Variants in CNTNAP1 observed in about 807,000 individuals in gnomAD.
The protein encoded by CNTNAP1 is contactin associated protein 1.
Under a neutral mutation model 161.5 loss-of-function variants are expected in CNTNAP1, and 80 were observed. That is an observed-to-expected ratio of 0.50 (90% confidence interval 0.41 to 0.60). CNTNAP1 has a LOEUF of 0.60. Among genes scored for constraint, CNTNAP1 ranks in the 20% least tolerant of loss-of-function variants. CNTNAP1 has a pLI of 0.00. For missense variants in CNTNAP1, 1,464 were observed against 1,854.8 expected, an observed-to-expected ratio of 0.79 and a Z score of 3.87; for synonymous variants, 695 against 733.1, an observed-to-expected ratio of 0.95 and a Z score of 0.84.
At chr17:42,698,163 A>C (rs575092892) in intron 23 of CNTNAP1, among the ~76,000 whole-genome samples, 2 of 151,948 alleles carry the variant, frequency 1.3e-5, no homozygotes, top group African/African-American at 4.8e-5. Flanking sequence ...GCTGAAGGTG[A>C]CATATAACTG....
intron 18 of CNTNAP1, among the ~76,000 whole-genome samples, chr17:42,695,016 C>T (rs2053134953): frequency 6.6e-6 from 1 of 152,186 alleles, no homozygotes; most frequent in Admixed American, 6.5e-5. Flanking sequence ...ATGATCTTGG[C>T]TCACTGCAAC....
In CNTNAP1 at chr17:42,699,036, C is replaced by G. The variant is rs533539916; in HGVS notation, c.*126C>G. ...GCTCATCCAGAGGATATTCCCCCAT[C>G]CCCCCCCCATCAAGTTTGGTGGGCA... is the stretch of plus-strand genomic sequence containing the variant. On this transcript the variant is annotated 3_prime_UTR_variant, in exon 24 of 24. Transcript: ENST00000264638. 8.9e-6 allele frequency: 6 copies of G among 676,826 alleles called. No individual in the cohort carries two copies. In the African/African-American group the frequency reaches 9.4e-5, roughly 11 times the overall value. 41.9% of individuals were successfully genotyped at this position (676,826 alleles called of 1,614,324 possible).
rs1232581181 is a variant in CNTNAP1, at chr17:42,697,666, C to T, written c.3681C>T (p.Thr1227=). 3 of 1,614,046 alleles carry T rather than the reference C, an allele frequency of 1.9e-6. No homozygotes were observed. Among genetic ancestry groups the T allele is most frequent in the East Asian group, 4.5e-5 (2 of 44,890 alleles). The change falls in exon 22 of 24, where the codon ACC becomes ACT. Residue 1227 remains threonine, a synonymous_variant. Coordinates refer to ENST00000264638, the MANE Select transcript of CNTNAP1 (RefSeq NM_003632.3). ...CTCCCCTCAAGACCCACTTCCGAAC[C>T]CCTCGACCCATGACTGCTGAGCTAG... ...NVAPLKTHFR[T]PRPMTAELAE... is the part of the protein sequence containing the mutation.
chr17:42,683,939 A>C lies in CNTNAP1; in HGVS notation c.169+17A>C. 1.2e-6 allele frequency: 2 copies of C among 1,613,614 alleles called. No individual in the cohort carries two copies. The highest frequency in any genetic ancestry group is 1.3e-5 in the African/African-American group (1 of 75,040). ...GGCTGCACGGTGAGCTCCGCGGAAC[A>C]TCAGCTGCCAACTGGCAGCGCACCG... On this transcript the variant is annotated intron_variant, in intron 2 of 23. Transcript: ENST00000264638.
At position 42,685,497 on chromosome 17, in the gene CNTNAP1, G is replaced by A; in HGVS notation, c.715+77G>A. The stretch of plus-strand genomic sequence containing the variant: ...CCGCCCTCCTCGTGGCACCTCCTCC[G>A]CGCATCCGCGCTCAGCCTGGTCTTC... On this transcript the variant is annotated intron_variant, in intron 5 of 23. Coordinates refer to ENST00000264638, the MANE Select transcript of CNTNAP1 (RefSeq NM_003632.3). This position sits in a 1 kb window ranked among gnomAD's most constrained non-coding sequence, Gnocchi z 5.0. 7.4e-7 allele frequency: 1 copy of A among 1,356,206 alleles called. No homozygotes were observed. The highest frequency in any genetic ancestry group is 1.0e-6 in the Non-Finnish European group (1 of 989,382). The allele number at this position is 1,356,206 out of a possible 1,614,324, so 84.0% of individuals were successfully genotyped here.
chr17:42,695,952 A>T (rs2053147003), intron 19 of CNTNAP1, 73 bp from the exon 20 acceptor site: 3 of 1,598,752 alleles, frequency 1.9e-6, no homozygotes, highest in Non-Finnish European at 2.6e-6. Flanking sequence ...TCACAAATAC[A>T]AGGACCCACG....
At position 42,687,094 on chromosome 17, in the gene CNTNAP1, G is replaced by A. The variant is rs116479758; in HGVS notation, c.1044+48G>A. The A allele has an allele frequency of 5.6e-4, 894 of 1,588,688 alleles. 5 individuals are homozygous for A. The African/African-American group carries it at 0.011, about 19-fold the overall frequency. ...GAGGACAGGATATCAAAGCGTCGTG[G>A]AAAGCAAAGAGGTGGAGCGGGAAGA... On this transcript the variant is annotated intron_variant, in intron 7 of 23. Transcript: ENST00000264638. This position sits in a 1 kb window ranked among gnomAD's most constrained non-coding sequence, Gnocchi z 4.7.
rs550255269 is a variant in CNTNAP1 at position 42,687,681 on chromosome 17, G to T, written c.1045-39G>T. On this transcript the variant is annotated intron_variant, in intron 7 of 23. Transcript: ENST00000264638. The surrounding 1 kb of genome is among the most constrained non-coding windows in gnomAD (Gnocchi z 4.7). ...CTGAATTCCCAGCTGAGGCAGAGGC[G>T]GCTCACGGGTGTTGATGCGTCTTCA... 1 of 1,600,110 alleles carries T rather than the reference G, an allele frequency of 6.2e-7. No homozygotes were observed. The highest frequency in any genetic ancestry group is 2.2e-5 in the East Asian group (1 of 44,682).
chr17:42,689,754 T>G (rs974450247), intron 11 of CNTNAP1, 127 bp downstream of exon 11: 1 of 776,426 alleles, frequency 1.3e-6, no homozygotes, highest in Admixed American at 2.2e-5. Flanking sequence ...GTTTTTGGTT[T>G]TTTTGAGACA....
chr17:42,695,770 G>A lies in CNTNAP1; in HGVS notation c.3242G>A (p.Gly1081Glu). The change falls in exon 19 of 24, where the codon GGA becomes GAA. Residue 1081 changes from glycine (G) to glutamate (E), a missense_variant. Gly to Glu is a moderately conservative substitution (Grantham distance 98, BLOSUM62 -2). This residue lies in a region of CNTNAP1 where 1,383 missense variants were observed against 1,765.0 expected (regional missense o/e 0.78). Coordinates refer to ENST00000264638, the MANE Select transcript of CNTNAP1 (RefSeq NM_003632.3). ...CGTGGGCCTGTCTACAACGTTACGGGAGAGGAGGTCTCCTTCAGCTTCAGC... is the reference window on the plus strand; with the variant it reads ...CGTGGGCCTGTCTACAACGTTACGGAAGAGGAGGTCTCCTTCAGCTTCAGC... Reference protein sequence around the residue: ...GYRGPVYNVTGEEVSFSFSTS... With the variant: ...GYRGPVYNVTEEEVSFSFSTS... The A allele has an allele frequency of 6.2e-7, 1 of 1,614,248 alleles. No homozygotes were observed. Among genetic ancestry groups the A allele is most frequent in the Non-Finnish European group, 8.5e-7 (1 of 1,180,044 alleles).
At position 42,687,788 on chromosome 17, in the gene CNTNAP1, C is replaced by G; in HGVS notation, c.1113C>G (p.Phe371Leu). ...HPINFGGPHN[F>L]VQVPGFPRRG... ...TCAACTTCGGAGGCCCTCACAACTT[C>G]GTTCAAGTGCCCGGTTTCCCACGCC... Residue 371 changes from phenylalanine (F) to leucine (L), a missense_variant, in exon 8 of 24, where the codon TTC becomes TTG. Phe to Leu is a conservative substitution (Grantham distance 22). Transcript: ENST00000264638. This position sits in a 1 kb window ranked among gnomAD's most constrained non-coding sequence, Gnocchi z 4.7. The G allele has an allele frequency of 1.2e-6, 2 of 1,614,224 alleles. No individual in the cohort carries two copies. Among genetic ancestry groups the G allele is most frequent in the Non-Finnish European group, 1.7e-6 (2 of 1,180,044 alleles).
intron 1 of CNTNAP1, chr17:42,683,433 A>T (rs3760384): frequency 9.3e-7 from 1 of 1,076,992 alleles, no homozygotes; most frequent in East Asian, 7.6e-5. Flanking sequence ...GGGATGGTGC[A>T]GGTTTTGGGG....
chr17:42,693,250 C>T (rs768538668), intron 17 of CNTNAP1, 47 bp from the exon 18 acceptor site: 16 of 1,607,940 alleles, frequency 1.0e-5, no homozygotes, highest in East Asian at 2.2e-5. Flanking sequence ...TGAGCCACCG[C>T]GCCTGGCCCT....
At chr17:42,684,961 C>A in intron 3 of CNTNAP1, 30 bp from the exon 4 acceptor site, 1 of 1,605,122 alleles carries the variant, frequency 6.2e-7, no homozygotes, top group South Asian at 1.1e-5. Context: ...GAGGGCAGGA[C>A]GTGGTTACTA....
In CNTNAP1 at chr17:42,689,059, C is replaced by G. The variant is rs1475791264; in HGVS notation, c.1628+12C>G. On this transcript the variant is annotated intron_variant, in intron 10 of 23. Transcript: ENST00000264638. ...GGCATCACTGATAGGTACCCAGAAG[C>G]CCCTAACAAGAGATGACCCCTCCAA... is the stretch of plus-strand genomic sequence containing the variant. 9.7e-6 allele frequency: 15 copies of G among 1,551,960 alleles called. No individual in the cohort carries two copies. The highest frequency in any genetic ancestry group is 1.3e-5 in the Non-Finnish European group (15 of 1,147,932).
intron 1 of CNTNAP1, 57 bp from the exon 2 acceptor site, chr17:42,683,764 C>A: frequency 6.4e-7 from 1 of 1,569,518 alleles, no homozygotes; most frequent in Non-Finnish European, 8.6e-7. Context: ...GTGGGCCGGC[C>A]TTTGGAAGGG....
At position 42,691,389 on chromosome 17, in the gene CNTNAP1, C is replaced by T; in HGVS notation, c.2222C>T (p.Thr741Ile). 1 of 1,614,064 alleles carries T rather than the reference C, an allele frequency of 6.2e-7. No homozygotes were observed. The highest frequency in any genetic ancestry group is 2.2e-5 in the East Asian group (1 of 44,868). ...NCDADQPQWR[T>I]DKGLLTFVDH... is the part of the protein sequence containing the mutation. ...ATGACATCCTGCCCCCACAGGAGAA[C>T]TGACAAGGGACTGCTGACCTTTGTG... Residue 741 changes from threonine to isoleucine, a missense_variant, in exon 15 of 24, where the codon ACT becomes ATT. Physicochemically the swap from Thr to Ile is moderately conservative, Grantham distance 89 (BLOSUM62 -1). Around this residue, in one of 3 missense-constraint regions of CNTNAP1, gnomAD observed 1,383 missense variants for 1,765.0 expected, o/e 0.78. Transcript: ENST00000264638. The surrounding 1 kb of genome is among the most constrained non-coding windows in gnomAD (Gnocchi z 4.3).
chr17:42,693,171 G>A (rs974341545), intron 17 of CNTNAP1, 126 bp from the exon 18 acceptor site: 5 of 1,129,380 alleles, frequency 4.4e-6, no homozygotes, highest in Admixed American at 2.1e-5. Flanking sequence ...ATGTTAGCCA[G>A]GATGGTCTCG....
chr17:42,689,773 C>T (rs1354717320), intron 11 of CNTNAP1, 146 bp downstream of exon 11: 1 of 686,830 alleles, frequency 1.5e-6, no homozygotes, highest in African/African-American at 1.8e-5. Flanking sequence ...CAGAGTCTTG[C>T]TCTGTTGCCC....
Sources: gnomAD v4.1 joint callset for allele counts (sites outside exome capture counted in the v4.1 genomes callset) on GRCh38, gnomAD v4.1.1 for gene constraint, gnomAD v4.1.1 regional missense constraint, Gnocchi (gnomAD v3.1) non-coding constraint, MANE v1.5 for transcripts, NCBI Gene and HGNC (gene_info 2026-07-23, HGNC 2026-07-21) for gene names.